LMX1A: variants seen among roughly 807,000 people sequenced by gnomAD.
LMX1A encodes the protein LIM homeobox transcription factor 1 alpha, also known as LIM homeobox transcription factor 1-alpha.
In LMX1A, 15 loss-of-function variants were observed where a neutral mutation model predicts 49.1. That is an observed-to-expected ratio of 0.31 (90% CI 0.20 to 0.47). The LOEUF is 0.47. Ranked by LOEUF, LMX1A falls within the 20% of genes least tolerant of loss-of-function variation. The pLI, the probability that LMX1A is intolerant of heterozygous loss-of-function variation, is 1.00. For synonymous variants in LMX1A, 167 were observed against 185.7 expected, an observed-to-expected ratio of 0.90 and a Z score of 0.82; for missense variants, 372 against 475.8, an observed-to-expected ratio of 0.78 and a Z score of 2.03.
At position 165,201,907 on chromosome 1, in the gene LMX1A, A is replaced by G; in HGVS notation, c.*1973T>C. The G allele has an allele frequency of 6.6e-6, 1 of 152,480 alleles. No individual in the cohort carries two copies. Among genetic ancestry groups the G allele is most frequent in the East Asian group, 1.9e-4 (1 of 5,176 alleles). 9.4% of individuals were successfully genotyped at this position (152,480 alleles called of 1,614,324 possible). On this transcript the variant is annotated 3_prime_UTR_variant, in exon 9 of 9. Coordinates refer to ENST00000342310, the MANE Select transcript of LMX1A (RefSeq NM_177398.4). ...TTTAATTTCATCTTGGTATGCCATT[A>G]AGGAGTGGAATAAGGATCTCTATTC...
rs536284842 is a variant in LMX1A at position 165,260,663 on chromosome 1, A to T, written c.264-11023T>A. Among the ~76,000 whole-genome samples, 3 of 152,312 alleles carry T rather than the reference A, an allele frequency of 2.0e-5. No individual in the cohort carries two copies. In the South Asian group the frequency reaches 6.2e-4, roughly 32 times the overall value. ...TAAATCATCTGGTGCACTGCCTAGC[A>T]TATAACAATGCTCAAAACACTGACA... On this transcript the variant is annotated intron_variant, in intron 3 of 8. Coordinates refer to ENST00000342310, the MANE Select transcript of LMX1A (RefSeq NM_177398.4).
chr1:165,242,094 A>C (rs932224400), intron 4 of LMX1A, among the ~76,000 whole-genome samples: 1 of 152,206 alleles, frequency 6.6e-6, no homozygotes, highest in African/African-American at 2.4e-5. Context: ...GGCCAATATG[A>C]ACAGGACAAA....
intron 4 of LMX1A, among the ~76,000 whole-genome samples, chr1:165,215,225 C>T (rs1051851704): frequency 3.3e-5 from 5 of 152,076 alleles, no homozygotes; most frequent in African/African-American, 9.7e-5. Context: ...CCAGGAGAAT[C>T]GCTTGAATCC....
chr1:165,296,858 G>A (rs1009843206), intron 3 of LMX1A, among the ~76,000 whole-genome samples: 7 of 152,372 alleles, frequency 4.6e-5, no homozygotes, highest in Admixed American at 2.6e-4. Flanking sequence ...CAAGAAAGGC[G>A]TGGGGTTTAA....
Position 165,324,656 on chromosome 1 carries a change from T to A in LMX1A, c.263+28420A>T, listed in dbSNP as rs76520929. Among the ~76,000 whole-genome samples the A allele has an allele frequency of 1.3e-4, 20 of 152,242 alleles. No homozygotes were observed. The East Asian group carries it at 3.9e-3, about 29-fold the overall frequency. ...AAAATAATAAATATTAATAACAACA[T>A]GAATTGTTTTTAATCCTAAAGGAGC... On this transcript the variant is annotated intron_variant, in intron 3 of 8. Coordinates refer to ENST00000342310, the MANE Select transcript of LMX1A (RefSeq NM_177398.4).
At chr1:165,302,996 A>G (rs1654821018) in intron 3 of LMX1A, among the ~76,000 whole-genome samples, 1 of 152,156 alleles carries the variant, frequency 6.6e-6, no homozygotes, top group South Asian at 2.1e-4. Context: ...CTTTGCTGTT[A>G]TTCTTCTATT....
chr1:165,348,576 C>T (rs1191694939), intron 3 of LMX1A, among the ~76,000 whole-genome samples: 1 of 152,012 alleles, frequency 6.6e-6, no homozygotes, highest in Non-Finnish European at 1.5e-5. Flanking sequence ...TTTTATTGTG[C>T]CAGGAGTAGG....
chr1:165,272,149 C>G (rs1653814523), intron 3 of LMX1A, among the ~76,000 whole-genome samples: 1 of 152,132 alleles, frequency 6.6e-6, no homozygotes, highest in African/African-American at 2.4e-5. Flanking sequence ...TAGGACCACA[C>G]TGCCCACCAA....
intron 3 of LMX1A, among the ~76,000 whole-genome samples, chr1:165,307,643 C>T (rs536641586): frequency 3.0e-4 from 45 of 152,296 alleles, no homozygotes; most frequent in African/African-American, 1.1e-3. Flanking sequence ...AACCTCCAAC[C>T]CTCAATACCC....
intron 8 of LMX1A, 98 bp from the exon 9 acceptor site, chr1:165,204,138 C>G: frequency 2.3e-6 from 3 of 1,293,446 alleles, no homozygotes; most frequent in Non-Finnish European, 3.2e-6. Context: ...TGCCTGAGCA[C>G]AGGCTCCAGG....
At chr1:165,244,050 A>G (rs958105452) in intron 4 of LMX1A, among the ~76,000 whole-genome samples, 4 of 152,194 alleles carry the variant, frequency 2.6e-5, no homozygotes, top group Non-Finnish European at 5.9e-5. Context: ...GGTTGAGCTG[A>G]CCACCAATGG....
chr1:165,349,033 C>G (rs995853991), intron 3 of LMX1A, among the ~76,000 whole-genome samples: 2 of 152,192 alleles, frequency 1.3e-5, no homozygotes, highest in African/African-American at 2.4e-5. Context: ...GCCCTGATGA[C>G]AGCAATACTA....
chr1:165,296,020 T>C (rs1654604334), intron 3 of LMX1A, among the ~76,000 whole-genome samples: 1 of 152,216 alleles, frequency 6.6e-6, no homozygotes, highest in Non-Finnish European at 1.5e-5. Context: ...TTTAGAGAAC[T>C]TATTAAAGAT....
intron 3 of LMX1A, among the ~76,000 whole-genome samples, chr1:165,330,800 G>T (rs1655724268): frequency 1.3e-5 from 2 of 152,058 alleles, no homozygotes. Context: ...GAAAGTGAGG[G>T]AATAAACCTG....
intron 3 of LMX1A, among the ~76,000 whole-genome samples, chr1:165,275,039 T>G (rs1021108219): frequency 6.6e-6 from 1 of 152,218 alleles, no homozygotes; most frequent in South Asian, 2.1e-4. Context: ...TTTTTTGGTC[T>G]TATTTTAATT....
intron 3 of LMX1A, among the ~76,000 whole-genome samples, chr1:165,293,094 C>A (rs187429196): frequency 6.7e-6 from 1 of 149,464 alleles, no homozygotes; most frequent in Non-Finnish European, 1.5e-5. Flanking sequence ...TCTAGCCGGG[C>A]GACAGAGAGA....
chr1:165,269,171 A>G (rs1423003715), intron 3 of LMX1A, among the ~76,000 whole-genome samples: 1 of 152,234 alleles, frequency 6.6e-6, no homozygotes, highest in Non-Finnish European at 1.5e-5. Flanking sequence ...TAGACTCTCA[A>G]TTTGGAGACT....
intron 4 of LMX1A, among the ~76,000 whole-genome samples, chr1:165,237,029 T>G (rs1167714469): frequency 6.6e-6 from 1 of 152,196 alleles, no homozygotes; most frequent in Non-Finnish European, 1.5e-5. Context: ...ATAGGACTGC[T>G]ACATACTCTG....
chr1:165,250,866 G>A (rs1229922407), intron 3 of LMX1A, among the ~76,000 whole-genome samples: 1 of 152,112 alleles, frequency 6.6e-6, no homozygotes, highest in African/African-American at 2.4e-5. Flanking sequence ...AGGCTGGCAG[G>A]CACAAAGGGG....
Sources: allele counts gnomAD v4.1 joint callset (sites outside exome capture counted in the v4.1 genomes callset), GRCh38; gene constraint gnomAD v4.1.1; transcripts MANE v1.5; gene names NCBI Gene and HGNC (gene_info 2026-07-23, HGNC 2026-07-21).